Variants in NSUN4 observed in about 807,000 individuals in gnomAD.
NSUN4 encodes the protein NOP2/Sun RNA methyltransferase 4.
NSUN4 carries 31 observed loss-of-function variants against 43.8 expected under a neutral mutation model. That is an observed-to-expected ratio of 0.71 (90% CI 0.53 to 0.96). NSUN4 has a LOEUF of 0.96. Ranked by LOEUF, NSUN4 falls within the 40% of genes least tolerant of loss-of-function variation. The probability of loss-of-function intolerance (pLI) is 0.00; values close to 1 mark genes in which losing one functional copy is unlikely to be tolerated. For synonymous variants in NSUN4, 167 were observed against 184.1 expected (o/e 0.91, Z 0.75); for missense variants, 439 against 475.6 (o/e 0.92, Z 0.72).
At chr1:46,365,907 C>T (rs1193007100), downstream of NSUN4, among the ~76,000 whole-genome samples, 2 of 152,002 alleles carry the variant, frequency 1.3e-5, no homozygotes, top group Non-Finnish European at 2.9e-5. Flanking sequence ...GCGGGCGGAT[C>T]ACTTAAGGTC....
At chr1:46,376,712 A>ATG in the NSUN4 span, among the ~76,000 whole-genome samples, 6,120 of 148,334 alleles carry the variant, frequency 0.041, 311 homozygotes, top group African/African-American at 0.13. Flanking sequence ...TTTAGAGAGC[A>ATG]TGTGTGTGTG....
chr1:46,342,154 C>A, intron 1 of NSUN4: 1 of 403,808 alleles, frequency 2.5e-6, no homozygotes, highest in Non-Finnish European at 4.3e-6. Flanking sequence ...GTTTTGGAAA[C>A]TGGGCTGATG....
intron 1 of NSUN4, chr1:46,341,640 T>A: frequency 1.2e-5 from 14 of 1,146,232 alleles, no homozygotes; most frequent in Middle Eastern, 3.7e-4. Context: ...ACCTCCACCA[T>A]CTCTTCCACC....
chr1:46,360,276 A>G (rs1337907776), intron 4 of NSUN4, among the ~76,000 whole-genome samples: 1 of 89,232 alleles, frequency 1.1e-5, no homozygotes, highest in Non-Finnish European at 2.5e-5. Flanking sequence ...ATATATATAT[A>G]TGTAAATTAG....
Position 46,344,798 on chromosome 1 carries a change from T to C in NSUN4, c.94-3T>C, listed in dbSNP as rs1181549023. 1 of 1,612,410 alleles carries C rather than the reference T, an allele frequency of 6.2e-7. No homozygotes were observed. Among genetic ancestry groups the C allele is most frequent in the Non-Finnish European group, 8.5e-7 (1 of 1,178,870 alleles). On this transcript the variant is annotated splice_region_variant and splice_polypyrimidine_tract_variant and intron_variant, in intron 1 of 5. Transcript: ENST00000474844. ...ACCAATAAGCCTGTCCTCTCTCTTT[T>C]AGGCTGCCACAGAGCCCAAATTCCC... is the stretch of plus-strand genomic sequence containing the variant.
chr1:46,367,318 C>G (rs1350782993), downstream of NSUN4, among the ~76,000 whole-genome samples: 2 of 152,168 alleles, frequency 1.3e-5, no homozygotes, highest in Non-Finnish European at 2.9e-5. Flanking sequence ...TACTGTATAT[C>G]GAACGTACCT....
chr1:46,360,249 A>AAAAAAAAAAATATATATATAT (rs1553177947), intron 4 of NSUN4, among the ~76,000 whole-genome samples: 2 of 25,768 alleles, frequency 7.8e-5, no homozygotes, highest in Non-Finnish European at 1.4e-4. Context: ...AAAAAAAAAA[A>AAAAAAAAAAATATATATATAT]ATATATATAT....
intron 1 of NSUN4, chr1:46,344,309 T>C (rs1662324561): frequency 6.3e-6 from 1 of 159,848 alleles, no homozygotes; most frequent in African/African-American, 2.4e-5. Flanking sequence ...GTTACCCACA[T>C]CTCTTCATCA....
Position 46,341,827 on chromosome 1 carries a change from G to C in NSUN4, c.93+908G>C, listed in dbSNP as rs878938368. The C allele has an allele frequency of 8.9e-6, 11 of 1,232,682 alleles. No individual in the cohort carries two copies. In the South Asian group the frequency reaches 3.7e-4, roughly 41 times the overall value. 76.4% of individuals were successfully genotyped at this position (1,232,682 alleles called of 1,614,324 possible). A position where few individuals can be genotyped will look rare whatever the true frequency, so the allele number is the denominator to read the frequency against. ...TGTCAGCGGACACCTTATTGCAGCT[G>C]GATGAGTCCCTCCAGAATGCGGCGT... On this transcript the variant is annotated intron_variant, in intron 1 of 5. Coordinates refer to ENST00000474844, the MANE Select transcript of NSUN4 (RefSeq NM_199044.4).
the NSUN4 span, among the ~76,000 whole-genome samples, chr1:46,377,769 C>A: frequency 6.6e-6 from 1 of 152,216 alleles, no homozygotes; most frequent in Non-Finnish European, 1.5e-5. Flanking sequence ...AACATTAAGT[C>A]ATTTAATTCC....
At chr1:46,342,645 GTCCTT>G (rs1662195890) in intron 1 of NSUN4, 2 of 399,038 alleles carry the variant, frequency 5.0e-6, no homozygotes, top group Admixed American at 4.4e-5. Context: ...TCCTCATTCT[GTCCTT>G]TCCTTCCCTT....
intron 1 of NSUN4, chr1:46,341,338 C>A (rs1165182003): frequency 1.4e-4 from 142 of 1,004,798 alleles, no homozygotes; most frequent in Non-Finnish European, 1.6e-4. Flanking sequence ...TCGCCCTCAC[C>A]CCTCGGAAAA....
At chr1:46,342,685 C>T (rs945020217) in intron 1 of NSUN4, 3 of 399,226 alleles carry the variant, frequency 7.5e-6, no homozygotes, top group African/African-American at 4.1e-5. Flanking sequence ...CAGTTTATAT[C>T]TCCACCCCAG....
the NSUN4 span, among the ~76,000 whole-genome samples, chr1:46,377,709 T>C: frequency 6.6e-6 from 1 of 152,244 alleles, no homozygotes; most frequent in Non-Finnish European, 1.5e-5. Context: ...TTATTTTATC[T>C]AATGATATAG....
At chr1:46,341,627 G>T in intron 1 of NSUN4, 1 of 1,204,604 alleles carries the variant, frequency 8.3e-7, no homozygotes, top group Non-Finnish European at 1.0e-6. Context: ...CGATTCCCTC[G>T]CCACCTCCAC....
chr1:46,347,162 G>T (rs779759630), intron 3 of NSUN4, 87 bp downstream of exon 3: 104 of 1,382,830 alleles, frequency 7.5e-5, no homozygotes, highest in Non-Finnish European at 9.9e-5. Flanking sequence ...GTTCGGCCAG[G>T]CGCAGTGGCT....
At chr1:46,379,844 G>A in the NSUN4 span, among the ~76,000 whole-genome samples, 1 of 152,152 alleles carries the variant, frequency 6.6e-6, no homozygotes, top group African/African-American at 2.4e-5. Context: ...GCTGTGAACA[G>A]CTACCCCATA....
downstream of NSUN4, among the ~76,000 whole-genome samples, chr1:46,369,296 C>T (rs974626841): frequency 6.6e-6 from 1 of 152,150 alleles, no homozygotes; most frequent in Non-Finnish European, 1.5e-5. Flanking sequence ...ATTTTTGCAT[C>T]CCTAACCCCC....
At position 46,360,670 on chromosome 1, in the gene NSUN4, T is replaced by C. The variant is rs768534683; in HGVS notation, c.754-34T>C. ...CCTAAGGAAGAGAAGCCTATAAGGA[T>C]CTTTAATACTTTACCCTTTAACACT... On this transcript the variant is annotated intron_variant, in intron 4 of 5. Transcript: ENST00000474844. 1.9e-6 allele frequency: 3 copies of C among 1,608,858 alleles called. No homozygotes were observed. In the East Asian group the frequency reaches 6.7e-5, roughly 36 times the overall value.
Sources: allele counts gnomAD v4.1 joint callset (sites outside exome capture counted in the v4.1 genomes callset), GRCh38; gene constraint gnomAD v4.1.1; transcripts MANE v1.5; gene names NCBI Gene and HGNC (gene_info 2026-07-23, HGNC 2026-07-21).